GMEB1: variants seen among roughly 807,000 people sequenced by gnomAD.
GMEB1 encodes the protein glucocorticoid modulatory element-binding protein 1.
GMEB1 carries 6 observed loss-of-function variants against 52.4 expected under a neutral mutation model. The observed-to-expected ratio is 0.11, with a 90% CI of 0.06 to 0.23. The LOEUF is 0.23. GMEB1 is among the 10% of genes least tolerant of loss of function. The pLI is 1.00. For missense variants in GMEB1, 486 were observed against 685.6 expected (o/e 0.71, Z 3.25); for synonymous variants, 255 against 244.9 (o/e 1.04, Z -0.38).
chr1:28,677,082 A>G (rs1389918230), intron 1 of GMEB1, among the ~76,000 whole-genome samples: 1 of 152,138 alleles, frequency 6.6e-6, no homozygotes, highest in South Asian at 2.1e-4. Context: ...CCATCAGGCT[A>G]TGTGTGTAAG....
rs981445092 is a variant in GMEB1, at chr1:28,718,966, C to T, written c.*4193C>T. 1 of 152,140 alleles carries T rather than the reference C, an allele frequency of 6.6e-6. No homozygotes were observed. The highest frequency in any genetic ancestry group is 1.5e-5 in the Non-Finnish European group (1 of 68,026). 9.4% of individuals were successfully genotyped at this position (152,140 alleles called of 1,614,324 possible). On this transcript the variant is annotated 3_prime_UTR_variant, in exon 10 of 10. Coordinates refer to ENST00000373816, the MANE Select transcript of GMEB1 (RefSeq NM_001319674.2). Reference sequence around the variant, plus strand: ...ACTACTTGATTTTCAAGTAATTGGGCTTATTTATTCTAGAGAAAAAGTCTT... The same window carrying T: ...ACTACTTGATTTTCAAGTAATTGGGTTTATTTATTCTAGAGAAAAAGTCTT...
At position 28,714,980 on chromosome 1, in the gene GMEB1, T is replaced by G. The variant is rs12117693; in HGVS notation, c.*207T>G. ...AAGCTGCCCTTCCAGAAGTTGAGAG[T>G]AGGTCATTCAATGTCCTAATCATCT... On this transcript the variant is annotated 3_prime_UTR_variant, in exon 10 of 10. Transcript: ENST00000373816. The G allele has an allele frequency of 0.012, 6,620 of 557,514 alleles. 81 individuals carry two copies. Among genetic ancestry groups the G allele is most frequent in the South Asian group, 0.032 (1,350 of 42,850 alleles). 34.5% of individuals were successfully genotyped at this position (557,514 alleles called of 1,614,324 possible).
In GMEB1 at chr1:28,710,534, A is replaced by C. The variant is rs1304948066; in HGVS notation, c.883A>C (p.Asn295His). Residue 295 changes from asparagine to histidine, a missense_variant, in exon 9 of 10, where the codon AAC becomes CAC. Around this residue, in one of 5 missense-constraint regions of GMEB1, gnomAD observed 200 missense variants for 253.5 expected, o/e 0.79. Coordinates refer to ENST00000373816, the MANE Select transcript of GMEB1 (RefSeq NM_001319674.2). ...PFQVTDAAVLNNVAHTFGLMD... is the reference protein window; with the variant it reads ...PFQVTDAAVLHNVAHTFGLMD... Reference sequence around the variant, plus strand: ...GTTTTAAATAGATGCTGCTGTTCTCAACAATGTAGCACACACATTTGGCCT... The same window carrying C: ...GTTTTAAATAGATGCTGCTGTTCTCCACAATGTAGCACACACATTTGGCCT... 6.2e-7 allele frequency: 1 copy of C among 1,606,706 alleles called. No individual in the cohort carries two copies. Among genetic ancestry groups the C allele is most frequent in the Non-Finnish European group, 8.5e-7 (1 of 1,177,302 alleles).
chr1:28,711,451 T>C (rs1278111646), intron 9 of GMEB1, among the ~76,000 whole-genome samples: 1 of 152,100 alleles, frequency 6.6e-6, no homozygotes, highest in East Asian at 1.9e-4. Flanking sequence ...TATTTTTCTT[T>C]TTGTTTGTTT....
chr1:28,686,748 C>G (rs1260973239), intron 2 of GMEB1, among the ~76,000 whole-genome samples: 2 of 151,902 alleles, frequency 1.3e-5, no homozygotes, highest in Admixed American at 1.3e-4. Context: ...AGTGGTTTCT[C>G]ATGTTTATCA....
chr1:28,701,961 CT>C (rs1253747668), intron 6 of GMEB1, among the ~76,000 whole-genome samples: 37 of 152,268 alleles, frequency 2.4e-4, no homozygotes, highest in Middle Eastern at 6.8e-3. Flanking sequence ...ATTTCTTTTA[CT>C]TTCTCTTTAT....
chr1:28,687,369 C>A (rs1191780314), intron 2 of GMEB1, among the ~76,000 whole-genome samples: 16 of 42,450 alleles, frequency 3.8e-4, no homozygotes, highest in South Asian at 1.0e-3. Context: ...CACACACACA[C>A]ACACACACAC....
At chr1:28,700,975 C>T (rs1002301470) in intron 6 of GMEB1, among the ~76,000 whole-genome samples, 1 of 151,808 alleles carries the variant, frequency 6.6e-6, no homozygotes, top group African/African-American at 2.4e-5. Flanking sequence ...TTGCAGGATG[C>T]AAAACCCGGG....
chr1:28,685,278 C>G (rs904660090), intron 2 of GMEB1, among the ~76,000 whole-genome samples: 4 of 151,074 alleles, frequency 2.6e-5, no homozygotes, highest in Non-Finnish European at 4.4e-5. Context: ...GGTGGGATCT[C>G]AGCTCACTGC....
intron 1 of GMEB1, among the ~76,000 whole-genome samples, chr1:28,679,785 A>G (rs1669313516): frequency 6.6e-6 from 1 of 151,192 alleles, no homozygotes; most frequent in East Asian, 1.9e-4. Context: ...AGAAGGGGCC[A>G]GGCATGATGG....
intron 1 of GMEB1, among the ~76,000 whole-genome samples, chr1:28,675,623 T>C (rs1258475685): frequency 6.9e-6 from 1 of 145,810 alleles, no homozygotes; most frequent in Non-Finnish European, 1.5e-5. Context: ...GAAGTTGCAG[T>C]GAGCGGAGAT....
chr1:28,702,726 A>G (rs1461977151), intron 7 of GMEB1, among the ~76,000 whole-genome samples, 157 bp downstream of exon 7: 1 of 152,120 alleles, frequency 6.6e-6, no homozygotes, highest in Non-Finnish European at 1.5e-5. Flanking sequence ...AATCCATGCA[A>G]TAGCCCTGCA....
intron 8 of GMEB1, among the ~76,000 whole-genome samples, chr1:28,709,921 G>T (rs1670967125): frequency 6.6e-6 from 1 of 152,046 alleles, no homozygotes. Context: ...GGCTGAGGTG[G>T]GTGGATCAAA....
intron 6 of GMEB1, among the ~76,000 whole-genome samples, chr1:28,698,259 C>G (rs1414385788): frequency 1.3e-5 from 2 of 151,610 alleles, no homozygotes; most frequent in African/African-American, 4.9e-5. Flanking sequence ...GTCCCAGCTA[C>G]TTGGGAGGCT....
intron 2 of GMEB1, among the ~76,000 whole-genome samples, chr1:28,688,755 G>C (rs1669811101): frequency 6.6e-6 from 1 of 151,534 alleles, no homozygotes. Context: ...TTCCAGCAAG[G>C]GACATCAGCT....
In GMEB1 at chr1:28,714,449, C is replaced by A; in HGVS notation, c.1368C>A (p.His456Gln). Residue 456 changes from histidine to glutamine, a missense_variant, in exon 10 of 10, where the codon CAC (histidine) becomes CAA (glutamine). By Grantham distance (24) the His-to-Gln change is conservative (BLOSUM62 0). Around this residue, in one of 5 missense-constraint regions of GMEB1, gnomAD observed 153 missense variants for 200.8 expected, o/e 0.76. Transcript: ENST00000373816. ...GCTCACCAGACACAGTGACCATCCA[C>A]CCTTCATCTAGCTTGGCGCTGCTGA... ...KSSSPDTVTI[H>Q]PSSSLALLSS... 1 of 1,614,234 alleles carries A rather than the reference C, an allele frequency of 6.2e-7. No individual in the cohort carries two copies. Among genetic ancestry groups the A allele is most frequent in the Non-Finnish European group, 8.5e-7 (1 of 1,180,038 alleles).
chr1:28,706,568 C>T (rs897866194), intron 8 of GMEB1, among the ~76,000 whole-genome samples: 12 of 149,884 alleles, frequency 8.0e-5, no homozygotes, highest in South Asian at 2.1e-4. Context: ...CACACCATTG[C>T]GCTCCAGCCT....
At chr1:28,682,992 G>C (rs140118529) in intron 1 of GMEB1, among the ~76,000 whole-genome samples, 1 of 152,262 alleles carries the variant, frequency 6.6e-6, no homozygotes, top group East Asian at 1.9e-4. Flanking sequence ...AGAGATATGT[G>C]TGCACAATGG....
intron 1 of GMEB1, among the ~76,000 whole-genome samples, chr1:28,673,565 C>T (rs1669000969): frequency 6.6e-6 from 1 of 152,124 alleles, no homozygotes; most frequent in Non-Finnish European, 1.5e-5. Flanking sequence ...TGACACTTGT[C>T]CTTATTCAAA....
Sources: gnomAD v4.1 joint callset for allele counts (sites outside exome capture counted in the v4.1 genomes callset) on GRCh38, gnomAD v4.1.1 for gene constraint, gnomAD v4.1.1 regional missense constraint, MANE v1.5 for transcripts, NCBI Gene and HGNC (gene_info 2026-07-23, HGNC 2026-07-21) for gene names.